Variants in TRHDE observed in about 807,000 individuals in gnomAD.
The protein encoded by TRHDE is thyrotropin releasing hormone degrading enzyme.
A neutral mutation model predicts 125.7 loss-of-function variants in TRHDE; 72 were observed. The ratio of observed to expected loss-of-function variants is 0.57; its 90% CI spans 0.47 to 0.70. The LOEUF (loss-of-function observed/expected upper bound fraction) is 0.70, where lower values mean the gene tolerates loss of function less well. TRHDE is among the 30% of genes least tolerant of loss of function. The pLI, the probability that TRHDE is intolerant of heterozygous loss-of-function variation, is 0.00. For missense variants in TRHDE, 1,110 were observed against 1,327.1 expected (o/e 0.84, Z 2.54); for synonymous variants, 509 against 509.1 (o/e 1.00, Z 0.00).
intron 2 of TRHDE, among the ~76,000 whole-genome samples, chr12:72,190,226 C>T (rs1877310685): frequency 6.6e-6 from 1 of 152,162 alleles, no homozygotes. Context: ...AATACCTACT[C>T]CTGTTGCAGT....
At chr12:72,342,613 G>A (rs1870133383) in intron 2 of TRHDE, among the ~76,000 whole-genome samples, 1 of 151,988 alleles carries the variant, frequency 6.6e-6, no homozygotes, top group Non-Finnish European at 1.5e-5. Context: ...GAAAAACATT[G>A]GAGTATAATT....
chr12:72,494,990 A>AT (rs543221058), intron 5 of TRHDE, among the ~76,000 whole-genome samples: 14 of 131,886 alleles, frequency 1.1e-4, no homozygotes, highest in South Asian at 7.6e-4. Context: ...CTAAAACTGG[A>AT]TTTTTTTTAG....
At chr12:72,563,804 CG>C (rs1054074537) in intron 9 of TRHDE, among the ~76,000 whole-genome samples, 5 of 9,732 alleles carry the variant, frequency 5.1e-4, no homozygotes, top group Non-Finnish European at 1.1e-3. Flanking sequence ...GGGCTGGGGG[CG>C]GGGGTGGGGG....
At chr12:72,556,780 A>T (rs543226306) in intron 7 of TRHDE, among the ~76,000 whole-genome samples, 2 of 152,302 alleles carry the variant, frequency 1.3e-5, no homozygotes, top group Admixed American at 1.3e-4. Flanking sequence ...ATTATTCTTG[A>T]TAGAAAGCAA....
chr12:72,509,276 C>A (rs1225037160), intron 6 of TRHDE, among the ~76,000 whole-genome samples: 3 of 152,048 alleles, frequency 2.0e-5, no homozygotes, highest in East Asian at 1.9e-4. Context: ...CACCGCACCC[C>A]CCCGCACACA....
At chr12:72,109,078 C>T (rs1875254907) in intron 2 of TRHDE, among the ~76,000 whole-genome samples, 1 of 152,036 alleles carries the variant, frequency 6.6e-6, no homozygotes, top group Non-Finnish European at 1.5e-5. Context: ...AATCACTCCA[C>T]AATTATCATG....
intron 2 of TRHDE, among the ~76,000 whole-genome samples, chr12:72,374,331 GT>G: frequency 6.7e-6 from 1 of 149,220 alleles, no homozygotes; most frequent in East Asian, 2.0e-4. Context: ...GTGTGTGTGT[GT>G]GATATCAGGA....
chr12:72,428,357 G>C (rs1353907197), intron 3 of TRHDE, among the ~76,000 whole-genome samples: 3 of 152,040 alleles, frequency 2.0e-5, no homozygotes, highest in African/African-American at 7.2e-5. Flanking sequence ...ATATGTGTGT[G>C]TTTAAGATGT....
intron 2 of TRHDE, among the ~76,000 whole-genome samples, chr12:72,315,043 C>T (rs7304027): frequency 0.31 from 46,367 of 151,784 alleles, 7,252 homozygotes; most frequent in African/African-American, 0.38. Context: ...GCAGATATAT[C>T]TGTATAACTT....
At chr12:72,581,853 A>G (rs1165469084) in intron 12 of TRHDE, among the ~76,000 whole-genome samples, 1 of 151,886 alleles carries the variant, frequency 6.6e-6, no homozygotes, top group East Asian at 1.9e-4. Context: ...CTGTAATCCC[A>G]GCATTTTGGG....
At chr12:72,494,655 C>T (rs1877826561) in intron 5 of TRHDE, among the ~76,000 whole-genome samples, 1 of 152,002 alleles carries the variant, frequency 6.6e-6, no homozygotes, top group Admixed American at 6.6e-5. Flanking sequence ...TCTCTTTTAA[C>T]TCCTCAGACT....
intron 12 of TRHDE, among the ~76,000 whole-genome samples, chr12:72,580,759 G>C (rs909417450): frequency 6.6e-6 from 1 of 152,092 alleles, no homozygotes; most frequent in Non-Finnish European, 1.5e-5. Context: ...TTTTTTGTTT[G>C]TTTGTTTGTT....
chr12:72,429,837 A>G (rs1298182433), intron 3 of TRHDE, among the ~76,000 whole-genome samples: 1 of 151,974 alleles, frequency 6.6e-6, no homozygotes, highest in Non-Finnish European at 1.5e-5. Context: ...ATTTATTCAG[A>G]TCTTTGTCAA....
chr12:72,453,796 G>A (rs1282529370), intron 3 of TRHDE, among the ~76,000 whole-genome samples: 2 of 152,152 alleles, frequency 1.3e-5, no homozygotes, highest in Admixed American at 6.5e-5. Flanking sequence ...TCCAGCTGTG[G>A]CTCAAAGGGG....
Position 72,193,916 on chromosome 12 carries a change from A to G in TRHDE, n.279+88164A>G, listed in dbSNP as rs186862609. Among the ~76,000 whole-genome samples, 400 of 152,242 alleles carry G rather than the reference A, an allele frequency of 2.6e-3. 6 individuals carry two copies. The Middle Eastern group carries it at 0.034, about 13-fold the overall frequency. ...AGTAGCTTACATGTAACATCTCTTGAAAAACACAGGAACTATTCCTGTCAC... is the reference window on the plus strand; with the variant it reads ...AGTAGCTTACATGTAACATCTCTTGGAAAACACAGGAACTATTCCTGTCAC... On this transcript the variant is annotated intron_variant and non_coding_transcript_variant, in intron 2 of 4. Coordinates refer to the TRHDE transcript ENST00000548156.
chr12:72,401,534 C>T (rs149623135), intron 3 of TRHDE, among the ~76,000 whole-genome samples: 14 of 152,200 alleles, frequency 9.2e-5, no homozygotes, highest in Non-Finnish European at 1.5e-4. Context: ...TGGCAATTGA[C>T]AATTTAAAAA....
At chr12:72,555,672 T>C (rs1402220948) in intron 7 of TRHDE, among the ~76,000 whole-genome samples, 11 of 152,294 alleles carry the variant, frequency 7.2e-5, no homozygotes, top group Non-Finnish European at 1.0e-4. Context: ...AAGTTGGTCA[T>C]CTGTCACTGT....
At chr12:72,512,461 A>G (rs1677291894) in intron 6 of TRHDE, among the ~76,000 whole-genome samples, 1 of 140,350 alleles carries the variant, frequency 7.1e-6, no homozygotes, top group Non-Finnish European at 1.5e-5. Context: ...TAATTATAAT[A>G]TATTATATAG....
intron 12 of TRHDE, among the ~76,000 whole-genome samples, chr12:72,593,239 T>C (rs922775863): frequency 1.3e-5 from 2 of 152,180 alleles, no homozygotes; most frequent in Non-Finnish European, 2.9e-5. Context: ...AAATTGCACT[T>C]AGCCCCAGTC....
Sources: gnomAD v4.1 joint callset for allele counts (sites outside exome capture counted in the v4.1 genomes callset) on GRCh38, gnomAD v4.1.1 for gene constraint, MANE v1.5 for transcripts, NCBI Gene and HGNC (gene_info 2026-07-23, HGNC 2026-07-21) for gene names.